The following FBXL20 variants were observed in gnomAD, a reference collection of about 807,000 sequenced individuals.
FBXL20 encodes the protein F-box and leucine rich repeat protein 20.
A neutral mutation model predicts 64.0 loss-of-function variants in FBXL20; 11 were observed. The observed-to-expected ratio is 0.17, with a 90% confidence interval of 0.11 to 0.28. The LOEUF is 0.28. Ranked by LOEUF, FBXL20 falls within the 10% of genes least tolerant of loss-of-function variation. The pLI, the probability that FBXL20 is intolerant of heterozygous loss-of-function variation, is 1.00. For missense variants in FBXL20, 303 were observed against 526.2 expected, an observed-to-expected ratio of 0.58 and a Z score of 4.15; for synonymous variants, 184 against 189.0, an observed-to-expected ratio of 0.97 and a Z score of 0.22.
chr17:39,261,512 G>A lies in FBXL20; in HGVS notation c.1259C>T (p.Pro420Leu), dbSNP rs1186206094. ...HAYFAPVTPP[P>L]SVGGSRQRFC... ...GCGCTGTCTGCTGCCCCCTACTGATGGGGGTGGAGTGACAGGTGCGAAGTA... is the reference window on the plus strand; with the variant it reads ...GCGCTGTCTGCTGCCCCCTACTGATAGGGGTGGAGTGACAGGTGCGAAGTA... The change falls in exon 15 of 15, where the codon CCA (proline) becomes CTA (leucine). Residue 420 changes from proline to leucine, a missense_variant. Around this residue, in one of 3 missense-constraint regions of FBXL20, gnomAD observed 56 missense variants for 86.0 expected, o/e 0.65. Transcript: ENST00000264658. The A allele has an allele frequency of 2.5e-6, 4 of 1,613,858 alleles. No homozygotes were observed. Among genetic ancestry groups the A allele is most frequent in the Non-Finnish European group, 3.4e-6 (4 of 1,179,920 alleles).
intron 2 of FBXL20, among the ~76,000 whole-genome samples, chr17:39,332,861 C>A (rs1220454104): frequency 6.6e-6 from 1 of 152,076 alleles, no homozygotes; most frequent in Non-Finnish European, 1.5e-5. Flanking sequence ...TTATAATAAA[C>A]CATAGTTGTG....
intron 11 of FBXL20, 114 bp from the exon 12 acceptor site, chr17:39,268,985 T>G (rs1966916): frequency 0.73 from 683,880 of 941,344 alleles, 256,226 homozygotes; most frequent in South Asian, 0.89. Context: ...AATTCTTTGG[T>G]GTTTCAGAGC....
intron 2 of FBXL20, among the ~76,000 whole-genome samples, chr17:39,333,240 T>C (rs1174186720): frequency 6.6e-6 from 1 of 152,084 alleles, no homozygotes; most frequent in African/African-American, 2.4e-5. Context: ...CACTGCAACC[T>C]CCCTGCCTGA....
intron 7 of FBXL20, 108 bp from the exon 8 acceptor site, chr17:39,282,963 T>C: frequency 3.0e-6 from 4 of 1,331,848 alleles, no homozygotes; most frequent in Non-Finnish European, 4.2e-6. Flanking sequence ...ATTCCCATTT[T>C]TTCCCACAAG....
intron 12 of FBXL20, among the ~76,000 whole-genome samples, chr17:39,266,473 G>T (rs2046793534): frequency 6.6e-6 from 1 of 152,158 alleles, no homozygotes. Context: ...ACCTACCTCA[G>T]CCTCCCAAAG....
chr17:39,258,103 TTC>T lies in FBXL20; in HGVS notation c.*3355_*3356del, dbSNP rs1029711950. The T allele has an allele frequency of 7.2e-5, 11 of 152,208 alleles. No homozygotes were observed. The highest frequency in any genetic ancestry group is 2.2e-4 in the African/African-American group (9 of 41,444). The allele number at this position is 152,208 out of a possible 1,614,324, so 9.4% of individuals were successfully genotyped here. On this transcript the variant is annotated 3_prime_UTR_variant, in exon 15 of 15. Coordinates refer to ENST00000264658, the MANE Select transcript of FBXL20 (RefSeq NM_032875.3). ...ACCTTCTAACTTATCCCCAAATCTCTTCTCTCTGTTCACTGTTTTTTTCCATT... is the reference window on the plus strand; with the variant it reads ...ACCTTCTAACTTATCCCCAAATCTCTTCTCTGTTCACTGTTTTTTTCCATT...
intron 7 of FBXL20, among the ~76,000 whole-genome samples, chr17:39,285,100 T>A (rs181934960): frequency 6.6e-6 from 1 of 152,226 alleles, no homozygotes; most frequent in East Asian, 1.9e-4. Context: ...GAGACAGGGT[T>A]TCACCATGTT....
intron 10 of FBXL20, among the ~76,000 whole-genome samples, chr17:39,271,523 G>A (rs529573590): frequency 4.0e-4 from 59 of 148,976 alleles, no homozygotes; most frequent in Admixed American, 4.0e-4. Context: ...GCTTGAACCC[G>A]GGAGGCGGAG....
chr17:39,311,466 G>C (rs538923471), intron 2 of FBXL20, among the ~76,000 whole-genome samples: 38 of 151,604 alleles, frequency 2.5e-4, no homozygotes, highest in Non-Finnish European at 4.6e-4. Flanking sequence ...GGCAAGGGAG[G>C]GTATCAAATA....
chr17:39,401,729 A>C (rs1216331534), upstream of FBXL20: 3 of 507,368 alleles, frequency 5.9e-6, no homozygotes, highest in Non-Finnish European at 7.7e-6. Context: ...CGGGAGGGGG[A>C]GGGGCGGGAG....
chr17:39,337,976 G>T (rs905193398), intron 2 of FBXL20, among the ~76,000 whole-genome samples: 1 of 148,720 alleles, frequency 6.7e-6, no homozygotes, highest in African/African-American at 2.5e-5. Flanking sequence ...GCCTCTGCCC[G>T]GCCGCCCCTA....
chr17:39,328,849 T>C (rs2047434212), intron 2 of FBXL20, among the ~76,000 whole-genome samples: 1 of 151,306 alleles, frequency 6.6e-6, no homozygotes, highest in South Asian at 2.1e-4. Flanking sequence ...AGGCCAGGAG[T>C]TCAAGACAGC....
At chr17:39,307,971 A>C (rs1205710226) in intron 2 of FBXL20, among the ~76,000 whole-genome samples, 1 of 92,112 alleles carries the variant, frequency 1.1e-5, no homozygotes, top group Non-Finnish European at 2.0e-5. Flanking sequence ...ACATCATTTC[A>C]AAAAAAAAAA....
At chr17:39,339,340 T>C (rs530048026) in intron 2 of FBXL20, among the ~76,000 whole-genome samples, 1 of 152,060 alleles carries the variant, frequency 6.6e-6, no homozygotes, top group Non-Finnish European at 1.5e-5. Flanking sequence ...TGGTGGCATG[T>C]ACCTGAGTCC....
chr17:39,360,073 TTAG>T (rs2047779994), intron 1 of FBXL20, among the ~76,000 whole-genome samples: 1 of 149,446 alleles, frequency 6.7e-6, no homozygotes, highest in Admixed American at 6.6e-5. Context: ...TACATATTAT[TTAG>T]TATTAAAAAT....
chr17:39,368,460 A>G lies in FBXL20; in HGVS notation c.43-25219T>C, dbSNP rs550221914. ...TCACCACTACCTGATTTTAATCTCA[A>G]GCCTCATCTGTTTCTTAAGAGACCT... On this transcript the variant is annotated intron_variant, in intron 1 of 14. Coordinates refer to ENST00000264658, the MANE Select transcript of FBXL20 (RefSeq NM_032875.3). Among the ~76,000 whole-genome samples, 33 of 152,306 alleles carry G rather than the reference A, an allele frequency of 2.2e-4. No individual in the cohort carries two copies. In the South Asian group the frequency reaches 6.2e-3, roughly 29 times the overall value.
chr17:39,324,146 C>T (rs2047386976), intron 2 of FBXL20, among the ~76,000 whole-genome samples: 1 of 149,352 alleles, frequency 6.7e-6, no homozygotes, highest in South Asian at 2.1e-4. Context: ...TCACCGTGTA[C>T]TAAAGAACGG....
chr17:39,311,780 A>G (rs1329312930), intron 2 of FBXL20, among the ~76,000 whole-genome samples: 1 of 152,174 alleles, frequency 6.6e-6, no homozygotes, highest in African/African-American at 2.4e-5. Context: ...CTCCTGAGCA[A>G]TTTTTATAAA....
At chr17:39,320,082 T>C (rs989548176) in intron 2 of FBXL20, among the ~76,000 whole-genome samples, 1 of 152,198 alleles carries the variant, frequency 6.6e-6, no homozygotes, top group Non-Finnish European at 1.5e-5. Flanking sequence ...ACAAACAACA[T>C]ACATACACGT....
Sources: gnomAD v4.1 joint callset for allele counts (sites outside exome capture counted in the v4.1 genomes callset) on GRCh38, gnomAD v4.1.1 for gene constraint, gnomAD v4.1.1 regional missense constraint, MANE v1.5 for transcripts, NCBI Gene and HGNC (gene_info 2026-07-23, HGNC 2026-07-21) for gene names.